FOXP2: variants seen among roughly 807,000 people sequenced by gnomAD.
The protein encoded by FOXP2 is forkhead box P2, also known as forkhead box protein P2.
A neutral mutation model predicts 115.8 loss-of-function variants in FOXP2; 12 were observed. The observed-to-expected ratio is 0.10, with a 90% CI of 0.07 to 0.17. FOXP2 has a LOEUF of 0.17. Among genes scored for constraint, FOXP2 ranks in the 10% least tolerant of loss-of-function variants. The pLI is 1.00. For missense variants in FOXP2, 629 were observed against 843.5 expected (o/e 0.75, Z 3.15); for synonymous variants, 328 against 297.7 (o/e 1.10, Z -1.05).
intron 3 of FOXP2, among the ~76,000 whole-genome samples, chr7:114,539,949 A>T (rs925636707): frequency 2.0e-5 from 3 of 152,066 alleles, no homozygotes; most frequent in Admixed American, 2.0e-4. Flanking sequence ...CATCCCTAAA[A>T]TAGGAATAAA....
chr7:114,689,957 G>T lies in FOXP2; in HGVS notation c.*31G>T. ...GACTTGTGAAACCTCAGCGTGAAGG[G>T]ACATATCACTGACCTTCATAACCAC... On this transcript the variant is annotated 3_prime_UTR_variant, in exon 17 of 17. Coordinates refer to ENST00000350908, the MANE Select transcript of FOXP2 (RefSeq NM_014491.4). 2.5e-6 allele frequency: 4 copies of T among 1,610,204 alleles called. 1 individual carries two copies. Among genetic ancestry groups the T allele is most frequent in the South Asian group, 1.1e-5 (1 of 91,004 alleles).
intron 16 of FOXP2, chr7:114,670,051 A>G (rs540286738): frequency 2.4e-3 from 367 of 152,076 alleles, no homozygotes; most frequent in African/African-American, 7.9e-3. Flanking sequence ...CTTTCTGATT[A>G]TTAGAGTCTC....
At chr7:114,139,933 T>G (rs760586262) in intron 1 of FOXP2, among the ~76,000 whole-genome samples, 4 of 152,016 alleles carry the variant, frequency 2.6e-5, no homozygotes, top group Non-Finnish European at 5.9e-5. Context: ...GGCAACATGA[T>G]GAAACCCCAT....
intron 2 of FOXP2, among the ~76,000 whole-genome samples, chr7:114,529,577 C>T (rs1799038008): frequency 6.6e-6 from 1 of 151,576 alleles, no homozygotes; most frequent in African/African-American, 2.4e-5. Context: ...GTAAATATAT[C>T]CACACATTAA....
chr7:114,677,480 C>T (rs1339614391), intron 16 of FOXP2, among the ~76,000 whole-genome samples: 1 of 152,040 alleles, frequency 6.6e-6, no homozygotes, highest in Admixed American at 6.5e-5. Context: ...GTTTATAGAA[C>T]CTTTGACTTA....
rs529974857 is a variant in FOXP2, at chr7:114,630,613, G to C, written c.597+608G>C. ...GTTGAAGTAGTTAAATTGATCAGCA[G>C]GTATCAGAGCCGTTGTCTTCAAGCT... is the stretch of plus-strand genomic sequence containing the variant. On this transcript the variant is annotated intron_variant, in intron 5 of 16. Transcript: ENST00000350908. 1.9e-5 allele frequency: 3 copies of C among 156,194 alleles called. No homozygotes were observed. In the South Asian group the frequency reaches 5.7e-4, roughly 30 times the overall value. The allele number at this position is 156,194 out of a possible 1,614,324, so 9.7% of individuals were successfully genotyped here. A position where few individuals can be genotyped will look rare whatever the true frequency, so the allele number is the denominator to read the frequency against.
chr7:114,454,950 C>T (rs184416329), intron 2 of FOXP2, among the ~76,000 whole-genome samples: 18,581 of 142,762 alleles, frequency 0.13, 1,594 homozygotes, highest in Non-Finnish European at 0.2. Flanking sequence ...AGCGCACCAG[C>T]ATGGCACATG....
intron 2 of FOXP2, among the ~76,000 whole-genome samples, chr7:114,344,517 TCA>T (rs1182531715): frequency 6.6e-6 from 1 of 151,828 alleles, no homozygotes; most frequent in Non-Finnish European, 1.5e-5. Context: ...TTTCGGTTAA[TCA>T]GTGTTTCAAA....
At chr7:114,474,181 C>T (rs182989409) in intron 2 of FOXP2, among the ~76,000 whole-genome samples, 143 of 152,246 alleles carry the variant, frequency 9.4e-4, no homozygotes, top group African/African-American at 3.2e-3. Flanking sequence ...GTGGTGAATT[C>T]CATGATATCA....
chr7:114,248,194 GAGAGAGA>G (rs1473984084), intron 1 of FOXP2, among the ~76,000 whole-genome samples: 1 of 150,490 alleles, frequency 6.6e-6, no homozygotes, highest in African/African-American at 2.5e-5. Flanking sequence ...GAGAGAGAGA[GAGAGAGA>G]GAGAGAGAGA....
chr7:114,386,166 A>G (rs1428209623), intron 2 of FOXP2, among the ~76,000 whole-genome samples: 1 of 152,204 alleles, frequency 6.6e-6, no homozygotes, highest in Admixed American at 6.5e-5. Context: ...GACAGTGGCA[A>G]ACAGCAGTGG....
At chr7:114,567,356 G>A (rs1801077204) in intron 3 of FOXP2, among the ~76,000 whole-genome samples, 1 of 152,068 alleles carries the variant, frequency 6.6e-6, no homozygotes, top group African/African-American at 2.4e-5. Flanking sequence ...AGAGAGGACA[G>A]GAGAAGCTAA....
intron 2 of FOXP2, among the ~76,000 whole-genome samples, chr7:114,529,369 A>T (rs1225166452): frequency 1.3e-5 from 2 of 151,854 alleles, no homozygotes; most frequent in Non-Finnish European, 2.9e-5. Context: ...TGACTTGAGG[A>T]TCCATTCCAT....
chr7:114,579,793 T>C (rs1470609198), intron 3 of FOXP2, among the ~76,000 whole-genome samples: 2 of 152,218 alleles, frequency 1.3e-5, no homozygotes, highest in Non-Finnish European at 2.9e-5. Flanking sequence ...ACTGAGCATA[T>C]ACTATGGATA....
Position 114,652,160 on chromosome 7 carries a change from C to T in FOXP2, c.1095-43C>T, listed in dbSNP as rs750447399. The T allele has an allele frequency of 3.0e-5, 48 of 1,579,740 alleles. 1 individual carries two copies. The South Asian group carries it at 4.8e-4, about 16-fold the overall frequency. On this transcript the variant is annotated intron_variant, in intron 8 of 16. Coordinates refer to ENST00000350908, the MANE Select transcript of FOXP2 (RefSeq NM_014491.4). Reference sequence around the variant, plus strand: ...TAAGTGTAGCCTATGCCACTAAGATCGACATCACTTTACATTCTGTTTTGT... The same window carrying T: ...TAAGTGTAGCCTATGCCACTAAGATTGACATCACTTTACATTCTGTTTTGT...
chr7:114,433,253 TA>T (rs1794192328), intron 2 of FOXP2, among the ~76,000 whole-genome samples: 1 of 152,024 alleles, frequency 6.6e-6, no homozygotes, highest in Non-Finnish European at 1.5e-5. Context: ...TGGTTCATGT[TA>T]GAGACTGAAA....
intron 2 of FOXP2, among the ~76,000 whole-genome samples, chr7:114,445,335 T>C (rs540370239): frequency 6.6e-6 from 1 of 152,306 alleles, no homozygotes; most frequent in South Asian, 2.1e-4. Flanking sequence ...AGAGATTTGC[T>C]GTAGGTGTCA....
intron 2 of FOXP2, among the ~76,000 whole-genome samples, chr7:114,313,579 A>T (rs1193191964): frequency 1.0e-5 from 1 of 98,950 alleles, no homozygotes; most frequent in Non-Finnish European, 1.9e-5. Context: ...CCCCGTCTCT[A>T]CTAAAAATAC....
At chr7:114,220,626 A>G (rs865873531) in intron 1 of FOXP2, among the ~76,000 whole-genome samples, 94 of 152,242 alleles carry the variant, frequency 6.2e-4, no homozygotes, top group African/African-American at 2.2e-3. Flanking sequence ...AATCTAATGC[A>G]TGTTATCTCT....
Sources: allele counts gnomAD v4.1 joint callset (sites outside exome capture counted in the v4.1 genomes callset), GRCh38; gene constraint gnomAD v4.1.1; transcripts MANE v1.5; gene names NCBI Gene and HGNC (gene_info 2026-07-23, HGNC 2026-07-21).